The following PPP3CA variants were observed in gnomAD, a reference collection of about 807,000 sequenced individuals.
PPP3CA encodes protein phosphatase 3 catalytic subunit alpha.
Under a neutral mutation model 66.5 loss-of-function variants are expected in PPP3CA, and 14 were observed. The observed-to-expected ratio is 0.21, with a 90% CI of 0.14 to 0.33. PPP3CA has a LOEUF of 0.33. PPP3CA is among the 10% of genes least tolerant of loss of function. PPP3CA has a pLI of 1.00. For synonymous variants in PPP3CA, 232 were observed against 226.2 expected, an observed-to-expected ratio of 1.03 and a Z score of -0.23; for missense variants, 317 against 639.5, an observed-to-expected ratio of 0.50 and a Z score of 5.44.
At position 101,025,901 on chromosome 4, in the gene PPP3CA, C is replaced by T. The variant is rs556579033; in HGVS notation, c.1530G>A (p.Thr510=). Reference sequence around the variant, plus strand: ...TGCTGCTATTACTGCCATTGCTGTCCGTGCCGTTAGTCTCTGAGGTGAGAG... The same window carrying T: ...TGCTGCTATTACTGCCATTGCTGTCTGTGCCGTTAGTCTCTGAGGTGAGAG... ...NKALTSETNG[T]DSNGSNSSNI... is the part of the protein sequence containing the mutation. Residue 510 remains threonine, a synonymous_variant, in exon 14 of 14, where the codon ACG becomes ACA. Coordinates refer to ENST00000394854, the MANE Select transcript of PPP3CA (RefSeq NM_000944.5). The T allele has an allele frequency of 1.7e-5, 27 of 1,606,304 alleles. No homozygotes were observed. The highest frequency in any genetic ancestry group is 3.3e-4 in the Middle Eastern group (2 of 6,016).
chr4:101,282,424 A>G (rs1727714715), intron 1 of PPP3CA, among the ~76,000 whole-genome samples: 3 of 152,176 alleles, frequency 2.0e-5, no homozygotes, highest in Admixed American at 6.5e-5. Flanking sequence ...TTAAGTTGGT[A>G]AGACATGGAC....
chr4:101,135,149 G>A (rs908952526), intron 2 of PPP3CA, among the ~76,000 whole-genome samples: 5 of 151,550 alleles, frequency 3.3e-5, no homozygotes, highest in Non-Finnish European at 5.9e-5. Flanking sequence ...AGCAAACCAC[G>A]ATGGCACATG....
At chr4:101,078,816 T>C (rs139880507) in intron 8 of PPP3CA, among the ~76,000 whole-genome samples, 1 of 152,298 alleles carries the variant, frequency 6.6e-6, no homozygotes, top group African/African-American at 2.4e-5. Flanking sequence ...TAATCTTCAC[T>C]TTAGCAGTGA....
chr4:101,100,773 T>C (rs1730408959), intron 3 of PPP3CA, among the ~76,000 whole-genome samples: 1 of 152,184 alleles, frequency 6.6e-6, no homozygotes, highest in Admixed American at 6.5e-5. Context: ...TAATTCTGGT[T>C]ACTAAAATCT....
intron 2 of PPP3CA, among the ~76,000 whole-genome samples, chr4:101,183,993 GCCC>G (rs1483531202): frequency 2.0e-5 from 3 of 152,050 alleles, no homozygotes; most frequent in Non-Finnish European, 4.4e-5. Context: ...CATTCTACAG[GCCC>G]AAGCTCACAA....
intron 1 of PPP3CA, chr4:101,240,736 A>T (rs1236834654): frequency 6.6e-6 from 1 of 152,100 alleles, no homozygotes; most frequent in Non-Finnish European, 1.5e-5. Context: ...CTAAAAATTT[A>T]AAAAAATAAT....
At chr4:101,205,883 T>C (rs77714746) in intron 1 of PPP3CA, among the ~76,000 whole-genome samples, 20 of 152,324 alleles carry the variant, frequency 1.3e-4, no homozygotes, top group African/African-American at 4.3e-4. Flanking sequence ...GCATACAGCA[T>C]CTTGTATCTG....
At chr4:101,162,947 T>C (rs541139268) in intron 2 of PPP3CA, among the ~76,000 whole-genome samples, 97 of 152,310 alleles carry the variant, frequency 6.4e-4, no homozygotes, top group African/African-American at 2.2e-3. Flanking sequence ...CCAGACTCCC[T>C]TGCCATTAGG....
At chr4:101,293,903 A>G (rs1284020019) in intron 1 of PPP3CA, among the ~76,000 whole-genome samples, 1 of 152,188 alleles carries the variant, frequency 6.6e-6, no homozygotes, top group African/African-American at 2.4e-5. Context: ...CAGAGACAAT[A>G]TCCGTATCAT....
chr4:101,140,547 C>A (rs1348679343), intron 2 of PPP3CA, among the ~76,000 whole-genome samples: 1 of 152,076 alleles, frequency 6.6e-6, no homozygotes. Context: ...ATTATCTTCT[C>A]TGGGTAAGAT....
intron 1 of PPP3CA, among the ~76,000 whole-genome samples, chr4:101,305,278 G>A (rs899836903): frequency 1.3e-5 from 2 of 152,148 alleles, no homozygotes; most frequent in Admixed American, 6.6e-5. Context: ...TAAAGTTCAC[G>A]ACTGAAAACT....
chr4:101,050,730 CTCAT>C (rs1264699684), intron 10 of PPP3CA, among the ~76,000 whole-genome samples: 2 of 152,176 alleles, frequency 1.3e-5, no homozygotes, highest in Non-Finnish European at 2.9e-5. Context: ...AAGTAATGTG[CTCAT>C]TCATTCTCAA....
chr4:101,130,555 T>C (rs976138170), intron 2 of PPP3CA, among the ~76,000 whole-genome samples: 3 of 152,202 alleles, frequency 2.0e-5, no homozygotes, highest in African/African-American at 7.2e-5. Flanking sequence ...GGGATCTCTC[T>C]GCAGAAACCC....
At chr4:101,038,576 C>T (rs1727364990) in intron 11 of PPP3CA, among the ~76,000 whole-genome samples, 1 of 151,846 alleles carries the variant, frequency 6.6e-6, no homozygotes, top group Admixed American at 6.6e-5. Flanking sequence ...CTCCATGTTG[C>T]TCAGGCTGGT....
intron 1 of PPP3CA, among the ~76,000 whole-genome samples, chr4:101,224,824 C>T (rs1325440404): frequency 1.3e-5 from 2 of 151,782 alleles, no homozygotes; most frequent in Non-Finnish European, 1.5e-5. Flanking sequence ...ACTCTTAATG[C>T]TCAAAGCTGT....
At chr4:101,129,200 C>A (rs951365984) in intron 2 of PPP3CA, among the ~76,000 whole-genome samples, 2 of 152,188 alleles carry the variant, frequency 1.3e-5, no homozygotes, top group African/African-American at 4.8e-5. Context: ...TCTCTAGATT[C>A]CTCCTCTCTG....
At chr4:101,346,110 G>A (rs1729980253) in intron 1 of PPP3CA, among the ~76,000 whole-genome samples, 1 of 144,054 alleles carries the variant, frequency 6.9e-6, no homozygotes, top group East Asian at 2.3e-4. Flanking sequence ...CCCCGCCCCC[G>A]CCCCGCGCGG....
chr4:101,136,796 CT>C (rs1722637466), intron 2 of PPP3CA, among the ~76,000 whole-genome samples: 1 of 151,978 alleles, frequency 6.6e-6, no homozygotes, highest in Non-Finnish European at 1.5e-5. Flanking sequence ...TGAATATTTT[CT>C]TTTCTATTAC....
chr4:101,096,187 AC>A (rs1283142925), intron 5 of PPP3CA, among the ~76,000 whole-genome samples: 2 of 152,180 alleles, frequency 1.3e-5, no homozygotes, highest in Non-Finnish European at 2.9e-5. Flanking sequence ...ATACTTGAAC[AC>A]TTGAACCTCA....
Sources: gnomAD v4.1 joint callset for allele counts (sites outside exome capture counted in the v4.1 genomes callset) on GRCh38, gnomAD v4.1.1 for gene constraint, MANE v1.5 for transcripts, NCBI Gene and HGNC (gene_info 2026-07-23, HGNC 2026-07-21) for gene names.